The following CCDC170 variants were observed in gnomAD, a reference collection of about 807,000 sequenced individuals.
The protein encoded by CCDC170 is coiled-coil domain containing 170.
In CCDC170, 69 loss-of-function variants were observed where a neutral mutation model predicts 72.6. The observed-to-expected ratio is 0.95, with a 90% confidence interval of 0.78 to 1.16. CCDC170 has a LOEUF of 1.16. CCDC170 is among the 50% of genes most tolerant of loss of function. The probability of loss-of-function intolerance (pLI) is 0.00; values close to 1 mark genes in which losing one functional copy is unlikely to be tolerated. For synonymous variants in CCDC170, 300 were observed against 303.9 expected (o/e 0.99, Z 0.13); for missense variants, 852 against 832.5 (o/e 1.02, Z -0.29).
At chr6:151,596,094 G>A (rs921170728) in intron 8 of CCDC170, among the ~76,000 whole-genome samples, 1 of 152,082 alleles carries the variant, frequency 6.6e-6, no homozygotes, top group Non-Finnish European at 1.5e-5. Flanking sequence ...CATCAGATGT[G>A]GAAAGCTGAC....
rs567973837 is a variant in CCDC170 at position 151,541,812 on chromosome 6, AAT to A, written c.444-2751_444-2750del. On this transcript the variant is annotated intron_variant, in intron 3 of 10. Coordinates refer to ENST00000239374, the MANE Select transcript of CCDC170 (RefSeq NM_025059.4). Reference sequence around the variant, plus strand: ...TATTTTTACTGAATCATATGTTCTAAATATATATATGTATATATATAAATATA... The same window carrying A: ...TATTTTTACTGAATCATATGTTCTAAATATATATGTATATATATAAATATA... Among the ~76,000 whole-genome samples the A allele has an allele frequency of 7.1e-3, 1,040 of 147,354 alleles. 10 individuals carry two copies. The highest frequency in any genetic ancestry group is 0.024 in the African/African-American group (975 of 40,508).
At chr6:151,519,656 A>G (rs1173086306) in intron 1 of CCDC170, among the ~76,000 whole-genome samples, 1 of 152,198 alleles carries the variant, frequency 6.6e-6, no homozygotes, top group Admixed American at 6.5e-5. Flanking sequence ...TTCCTCTGCC[A>G]TGGCTCCAGC....
intron 9 of CCDC170, among the ~76,000 whole-genome samples, chr6:151,607,697 A>G (rs1424608643): frequency 6.6e-6 from 1 of 152,158 alleles, no homozygotes; most frequent in Non-Finnish European, 1.5e-5. Flanking sequence ...CTCTTGAGAA[A>G]TCCACTGTTA....
rs373637472 is a variant in CCDC170, at chr6:151,613,515, A to C, written c.1711-1928A>C. 6.6e-5 allele frequency among the ~76,000 whole-genome samples: 10 copies of C among 152,294 alleles called. No individual in the cohort carries two copies. The East Asian group carries it at 1.5e-3, about 24-fold the overall frequency. On this transcript the variant is annotated intron_variant, in intron 9 of 10. Coordinates refer to ENST00000239374, the MANE Select transcript of CCDC170 (RefSeq NM_025059.4). ...CTCCAAGAGAAACCCTGTACCCATAAGTGGTTGCTCCCCATTCTGTCCTCC... is the reference window on the plus strand; with the variant it reads ...CTCCAAGAGAAACCCTGTACCCATACGTGGTTGCTCCCCATTCTGTCCTCC...
chr6:151,552,759 A>G (rs1782901513), intron 5 of CCDC170, among the ~76,000 whole-genome samples: 2 of 148,898 alleles, frequency 1.3e-5, no homozygotes, highest in African/African-American at 5.0e-5. Context: ...CTGAACTAAA[A>G]CCAGCCAAAT....
At chr6:151,590,966 A>G (rs778928961) in intron 7 of CCDC170, among the ~76,000 whole-genome samples, 1 of 152,260 alleles carries the variant, frequency 6.6e-6, no homozygotes, top group African/African-American at 2.4e-5. Flanking sequence ...AAACAGTGAT[A>G]ACCTGAGGAT....
intron 7 of CCDC170, among the ~76,000 whole-genome samples, chr6:151,589,228 C>G (rs1173312218): frequency 6.6e-6 from 1 of 151,654 alleles, no homozygotes; most frequent in Non-Finnish European, 1.5e-5. Context: ...GTACTCCAGC[C>G]TGGGTGACAG....
chr6:151,555,303 A>G (rs1379512477), intron 5 of CCDC170, among the ~76,000 whole-genome samples: 1 of 152,190 alleles, frequency 6.6e-6, no homozygotes, highest in East Asian at 1.9e-4. Flanking sequence ...ATTGGTGTTC[A>G]GTGTTTTCAT....
intron 5 of CCDC170, among the ~76,000 whole-genome samples, chr6:151,568,232 A>C (rs921957848): frequency 6.6e-6 from 1 of 152,078 alleles, no homozygotes; most frequent in African/African-American, 2.4e-5. Flanking sequence ...GGGACTGTGA[A>C]CAGCAGGTGC....
rs535301530 is a variant in CCDC170 at position 151,536,648 on chromosome 6, G to A, written c.186+202G>A. On this transcript the variant is annotated intron_variant, in intron 2 of 10. Transcript: ENST00000239374. ...AAATTAGCTGGGTGTGGTAGTGAGCGCCTGTAGTACCAGCTGCTCGAGAGG... is the reference window on the plus strand; with the variant it reads ...AAATTAGCTGGGTGTGGTAGTGAGCACCTGTAGTACCAGCTGCTCGAGAGG... Among the ~76,000 whole-genome samples, 4 of 151,738 alleles carry A rather than the reference G, an allele frequency of 2.6e-5. No individual in the cohort carries two copies. The East Asian group carries it at 5.8e-4, about 22-fold the overall frequency.
intron 1 of CCDC170, among the ~76,000 whole-genome samples, chr6:151,515,620 G>A (rs1478605915): frequency 6.6e-6 from 1 of 152,166 alleles, no homozygotes; most frequent in African/African-American, 2.4e-5. Context: ...ATGCCTCCAG[G>A]TAGCAGGCTT....
chr6:151,561,075 A>T (rs146660150), intron 5 of CCDC170, among the ~76,000 whole-genome samples: 54 of 151,782 alleles, frequency 3.6e-4, no homozygotes, highest in East Asian at 2.5e-3. Context: ...ATTTTTTTTT[A>T]AAATTGTGTG....
chr6:151,511,871 G>A (rs1390854717), intron 1 of CCDC170, among the ~76,000 whole-genome samples: 1 of 151,950 alleles, frequency 6.6e-6, no homozygotes, highest in African/African-American at 2.4e-5. Context: ...TTTGAGACAG[G>A]GTCTCAGTCT....
At chr6:151,567,110 G>C (rs1776148931) in intron 5 of CCDC170, among the ~76,000 whole-genome samples, 2 of 151,982 alleles carry the variant, frequency 1.3e-5, no homozygotes, top group African/African-American at 4.8e-5. Flanking sequence ...GTAGAGACGG[G>C]GTTTCTCCAT....
chr6:151,560,107 T>G, intron 5 of CCDC170, among the ~76,000 whole-genome samples: 1 of 152,306 alleles, frequency 6.6e-6, no homozygotes. Flanking sequence ...TAGCACTATA[T>G]TTTCCTCTTA....
chr6:151,607,935 T>TAATCCCAACTACTCAGCAGGAGAAGCAC (rs1776811045), intron 9 of CCDC170, among the ~76,000 whole-genome samples: 1 of 152,186 alleles, frequency 6.6e-6, no homozygotes. Context: ...TTTTAATGTG[T>TAATCCCAACTACTCAGCAGGAGAAGCAC]TTTCCATCCC....
intron 5 of CCDC170, among the ~76,000 whole-genome samples, chr6:151,551,235 G>A (rs1782873707): frequency 6.6e-6 from 1 of 152,010 alleles, no homozygotes; most frequent in African/African-American, 2.4e-5. Flanking sequence ...AGATATATTT[G>A]CAGAATCACT....
chr6:151,578,173 C>T (rs116231726), intron 6 of CCDC170, among the ~76,000 whole-genome samples: 1,917 of 152,274 alleles, frequency 0.013, 42 homozygotes, highest in African/African-American at 0.044. Flanking sequence ...TCTGAGAGAG[C>T]GAACAGATGG....
At chr6:151,597,996 T>C (rs971422762) in intron 9 of CCDC170, among the ~76,000 whole-genome samples, 8 of 152,200 alleles carry the variant, frequency 5.3e-5, no homozygotes, top group African/African-American at 1.7e-4. Context: ...CCACTGTAGT[T>C]TCCCTTCTGG....
Sources: gnomAD v4.1 joint callset for allele counts (sites outside exome capture counted in the v4.1 genomes callset) on GRCh38, gnomAD v4.1.1 for gene constraint, MANE v1.5 for transcripts, NCBI Gene and HGNC (gene_info 2026-07-23, HGNC 2026-07-21) for gene names.